The following GRB2 variants were observed in gnomAD, a reference collection of about 807,000 sequenced individuals.
GRB2 encodes growth factor receptor bound protein 2.
Under a neutral mutation model 27.4 loss-of-function variants are expected in GRB2, and 2 were observed. The observed-to-expected ratio is 0.07, with a 90% CI of 0.03 to 0.23. The LOEUF (loss-of-function observed/expected upper bound fraction) is 0.23. GRB2 is among the 10% of genes least tolerant of loss of function. The pLI, the probability that GRB2 is intolerant of heterozygous loss-of-function variation, is 1.00. For synonymous variants in GRB2, 94 were observed against 99.6 expected (o/e 0.94, Z 0.33); for missense variants, 102 against 282.4 (o/e 0.36, Z 4.58).
At chr17:75,347,089 T>C (rs1257019178) in intron 2 of GRB2, among the ~76,000 whole-genome samples, 1 of 152,138 alleles carries the variant, frequency 6.6e-6, no homozygotes, top group Non-Finnish European at 1.5e-5. Context: ...CTCCTCCCCC[T>C]TCCTTCTCCC....
At chr17:75,347,588 C>A (rs1023978766) in intron 2 of GRB2, among the ~76,000 whole-genome samples, 1 of 152,136 alleles carries the variant, frequency 6.6e-6, no homozygotes, top group Non-Finnish European at 1.5e-5. Flanking sequence ...AGCTGTTCAC[C>A]GCTCAATAAA....
intron 2 of GRB2, among the ~76,000 whole-genome samples, chr17:75,376,832 T>C (rs993893198): frequency 1.3e-5 from 2 of 150,806 alleles, no homozygotes; most frequent in African/African-American, 4.9e-5. Flanking sequence ...TGAGACTCCA[T>C]CCCTACAAAA....
At chr17:75,321,091 C>T (rs2078455819) in intron 5 of GRB2, among the ~76,000 whole-genome samples, 1 of 151,834 alleles carries the variant, frequency 6.6e-6, no homozygotes, top group African/African-American at 2.4e-5. Context: ...TGTTAAAGAC[C>T]ATCTCCCTAG....
intron 2 of GRB2, among the ~76,000 whole-genome samples, chr17:75,376,271 G>A (rs1354787488): frequency 6.7e-6 from 1 of 149,590 alleles, no homozygotes. Context: ...CTTGAACCTG[G>A]GAGGCAGACG....
chr17:75,370,357 G>A (rs1208965985), intron 2 of GRB2, among the ~76,000 whole-genome samples: 1 of 152,152 alleles, frequency 6.6e-6, no homozygotes, highest in Non-Finnish European at 1.5e-5. Flanking sequence ...ATTTCAATAC[G>A]AAGGCTTTCC....
At chr17:75,388,616 T>G (rs2078980007) in intron 2 of GRB2, among the ~76,000 whole-genome samples, 1 of 151,836 alleles carries the variant, frequency 6.6e-6, no homozygotes, top group African/African-American at 2.4e-5. Context: ...TTTTTTTTTT[T>G]TTAATTTGGA....
At chr17:75,357,739 G>C (rs2078742750) in intron 2 of GRB2, among the ~76,000 whole-genome samples, 1 of 152,122 alleles carries the variant, frequency 6.6e-6, no homozygotes, top group Non-Finnish European at 1.5e-5. Context: ...TGGCCAACAT[G>C]GTGAAACTTT....
chr17:75,341,789 T>C (rs979383855), intron 2 of GRB2, among the ~76,000 whole-genome samples: 1 of 152,150 alleles, frequency 6.6e-6, no homozygotes, highest in Non-Finnish European at 1.5e-5. Context: ...CAGGGAAACA[T>C]TGGTGAGTCA....
chr17:75,363,339 C>G (rs1476593062), intron 2 of GRB2, among the ~76,000 whole-genome samples: 1 of 152,136 alleles, frequency 6.6e-6, no homozygotes, highest in African/African-American at 2.4e-5. Context: ...ACTTTTACTT[C>G]CACACAGTCT....
chr17:75,324,507 G>GTTTTTTTTTTTTTTTTTTT (rs767194304), intron 4 of GRB2, among the ~76,000 whole-genome samples: 1 of 36,700 alleles, frequency 2.7e-5, no homozygotes, highest in African/African-American at 8.2e-5. Context: ...ACCGCACCCA[G>GTTTTTTTTTTTTTTTTTTT]TTTTTTTTTT....
chr17:75,378,159 G>T (rs534522568), intron 2 of GRB2, among the ~76,000 whole-genome samples: 70 of 152,220 alleles, frequency 4.6e-4, no homozygotes, highest in African/African-American at 1.6e-3. Flanking sequence ...GCCGAGGTGG[G>T]GGGGAGGATC....
chr17:75,400,109 C>T (rs1220989519), intron 1 of GRB2, among the ~76,000 whole-genome samples: 1 of 151,912 alleles, frequency 6.6e-6, no homozygotes, highest in South Asian at 2.1e-4. Context: ...GCCATCCTCC[C>T]GCCTCAGCTT....
At chr17:75,344,856 C>T (rs940915484) in intron 2 of GRB2, among the ~76,000 whole-genome samples, 1 of 145,882 alleles carries the variant, frequency 6.9e-6, no homozygotes, top group East Asian at 2.0e-4. Flanking sequence ...CCCCTCCCAA[C>T]CCCCCCGCCT....
chr17:75,404,534 T>G (rs1598261283), intron 1 of GRB2, among the ~76,000 whole-genome samples: 1 of 89,142 alleles, frequency 1.1e-5, no homozygotes, highest in South Asian at 3.2e-4. Context: ...GGAAGTACAT[T>G]AGAAAAAAAG....
chr17:75,386,307 C>T (rs904565699), intron 2 of GRB2, among the ~76,000 whole-genome samples: 6 of 152,028 alleles, frequency 3.9e-5, no homozygotes, highest in East Asian at 1.9e-4. Flanking sequence ...TTAGTAGAAA[C>T]GGGATTTCAC....
chr17:75,363,661 C>T (rs745989244), intron 2 of GRB2, among the ~76,000 whole-genome samples: 2 of 151,456 alleles, frequency 1.3e-5, no homozygotes, highest in African/African-American at 2.4e-5. Flanking sequence ...AGATCGAGAC[C>T]ATCCTGGCCA....
chr17:75,351,093 G>C (rs1488304663), intron 2 of GRB2, among the ~76,000 whole-genome samples: 1 of 152,200 alleles, frequency 6.6e-6, no homozygotes, highest in East Asian at 1.9e-4. Context: ...GGAAGATCAG[G>C]TGGAGAAGGG....
chr17:75,366,803 C>A (rs1054687885), intron 2 of GRB2, among the ~76,000 whole-genome samples: 2 of 151,930 alleles, frequency 1.3e-5, no homozygotes, highest in African/African-American at 4.8e-5. Context: ...CAGAGTGAGA[C>A]CCTGGCTCAA....
intron 4 of GRB2, among the ~76,000 whole-genome samples, chr17:75,323,155 G>A (rs1018078399): frequency 6.7e-6 from 1 of 148,844 alleles, no homozygotes; most frequent in Admixed American, 6.8e-5. Flanking sequence ...CATTCTCTGA[G>A]AGTGCTTGTT....
Sources: allele counts gnomAD v4.1 joint callset (sites outside exome capture counted in the v4.1 genomes callset), GRCh38; gene constraint gnomAD v4.1.1; transcripts MANE v1.5; gene names NCBI Gene and HGNC (gene_info 2026-07-23, HGNC 2026-07-21).